ZFAT: variants seen among roughly 807,000 people sequenced by gnomAD.
ZFAT encodes the protein zinc finger and AT-hook domain containing.
In ZFAT, 64 loss-of-function variants were observed where a neutral mutation model predicts 117.7. The ratio of observed to expected loss-of-function variants is 0.54; its 90% CI spans 0.44 to 0.67. The LOEUF (loss-of-function observed/expected upper bound fraction) is 0.67. Among genes scored for constraint, ZFAT ranks in the 30% least tolerant of loss-of-function variants. The pLI is 0.00. For synonymous variants in ZFAT, 679 were observed against 615.0 expected (o/e 1.10, Z -1.54); for missense variants, 1,433 against 1,584.5 (o/e 0.90, Z 1.62).
chr8:134,715,427 C>G (rs1179383509), upstream of ZFAT, among the ~76,000 whole-genome samples: 3 of 152,162 alleles, frequency 2.0e-5, no homozygotes, highest in Non-Finnish European at 4.4e-5. Context: ...TGGCCATAGG[C>G]AGATGGAAAT....
chr8:134,655,948 G>A (rs1173457163), intron 2 of ZFAT, among the ~76,000 whole-genome samples: 1 of 152,144 alleles, frequency 6.6e-6, no homozygotes, highest in Non-Finnish European at 1.5e-5. Context: ...CAGCTGCTCA[G>A]GTGGCTGAGG....
In ZFAT at chr8:134,608,787, C is replaced by G. The variant is rs975500653; in HGVS notation, c.727G>C (p.Gly243Arg). ...TTSADLVPRRGYQEYAIQQTP... is the reference protein window; with the variant it reads ...TTSADLVPRRRYQEYAIQQTP... Reference sequence around the variant, plus strand: ...TGCTGAATGGCGTATTCCTGGTAGCCTCTCCGAGGCACCAGGTCTGCTGAA... The same window carrying G: ...TGCTGAATGGCGTATTCCTGGTAGCGTCTCCGAGGCACCAGGTCTGCTGAA... The change falls in exon 5 of 16, where the codon GGC becomes CGC. Residue 243 changes from glycine to arginine, a missense_variant. Physicochemically the swap from Gly to Arg is moderately radical, Grantham distance 125 (BLOSUM62 -2). This residue lies in a region of ZFAT where 436 missense variants were observed against 482.0 expected (regional missense o/e 0.90). Transcript: ENST00000377838. 1 of 1,610,850 alleles carries G rather than the reference C, an allele frequency of 6.2e-7. No homozygotes were observed. Among genetic ancestry groups the G allele is most frequent in the Non-Finnish European group, 8.5e-7 (1 of 1,178,856 alleles).
chr8:134,633,727 C>G (rs1830035276), intron 3 of ZFAT, among the ~76,000 whole-genome samples: 1 of 152,166 alleles, frequency 6.6e-6, no homozygotes, highest in African/African-American at 2.4e-5. Flanking sequence ...TTAGTTTGCT[C>G]TTCTATAAAA....
chr8:134,759,604 GA>G, the ZFAT span, among the ~76,000 whole-genome samples: 72 of 149,502 alleles, frequency 4.8e-4, no homozygotes, highest in African/African-American at 1.6e-3. Flanking sequence ...ATTCATTTAG[GA>G]AAAAAAAAAT....
the ZFAT span, among the ~76,000 whole-genome samples, chr8:134,754,608 G>A: frequency 5.0e-4 from 76 of 152,328 alleles, no homozygotes; most frequent in Admixed American, 8.5e-4. Context: ...CTTGCCTGCC[G>A]TCAATTTTCT....
chr8:134,753,224 C>T, the ZFAT span, among the ~76,000 whole-genome samples: 78 of 138,748 alleles, frequency 5.6e-4, 2 homozygotes, highest in East Asian at 5.7e-3. Context: ...ACAAAACCAA[C>T]GAACCAACCA....
intron 1 of ZFAT, among the ~76,000 whole-genome samples, chr8:134,687,038 A>T (rs1833356055): frequency 6.6e-6 from 1 of 152,098 alleles, no homozygotes; most frequent in Non-Finnish European, 1.5e-5. Flanking sequence ...CAGACCCACC[A>T]GCACCCACCT....
the ZFAT span, among the ~76,000 whole-genome samples, chr8:134,721,471 G>A: frequency 6.6e-6 from 1 of 152,232 alleles, no homozygotes; most frequent in Non-Finnish European, 1.5e-5. Flanking sequence ...ATGACAGGGA[G>A]TGGAGGCAGC....
chr8:134,785,533 C>A, the ZFAT span: 1 of 149,578 alleles, frequency 6.7e-6, no homozygotes, highest in East Asian at 2.0e-4. Flanking sequence ...CTTTAATCTA[C>A]CAGTTTTTAA....
rs1827347007 is a variant in ZFAT at position 134,600,628 on chromosome 8, G to A, written c.2283C>T (p.Val761=). The A allele has an allele frequency of 1.2e-6, 2 of 1,608,978 alleles. No homozygotes were observed. Among genetic ancestry groups the A allele is most frequent in the Non-Finnish European group, 1.7e-6 (2 of 1,176,274 alleles). The change falls in exon 7 of 16, where the codon GTC becomes GTT. Residue 761 remains valine (V), a synonymous_variant. Coordinates refer to ENST00000377838, the MANE Select transcript of ZFAT (RefSeq NM_020863.4). ...FWYQVHFDMH[V]RTHTREHLYY... is the part of the protein sequence containing the mutation. ...ACAGATGTTCCCGGGTGTGGGTGCG[G>A]ACATGCATATCAAAATGCACTTGGT...
chr8:134,538,346 CA>C (rs2130609374), intron 11 of ZFAT, among the ~76,000 whole-genome samples: 3 of 152,196 alleles, frequency 2.0e-5, no homozygotes, highest in Middle Eastern at 3.4e-3. Flanking sequence ...ACCTGGCAAC[CA>C]GGGGGTGGCG....
chr8:134,706,587 G>A (rs1359640841), intron 1 of ZFAT, among the ~76,000 whole-genome samples: 3 of 152,174 alleles, frequency 2.0e-5, no homozygotes, highest in East Asian at 3.9e-4. Flanking sequence ...AGCTACTCGG[G>A]AGGCTGAGGC....
intron 11 of ZFAT, among the ~76,000 whole-genome samples, chr8:134,550,310 GAAAAA>G (rs10680896): frequency 4.1e-5 from 3 of 72,532 alleles, no homozygotes; most frequent in Non-Finnish European, 5.1e-5. Flanking sequence ...GGTCACAACG[GAAAAA>G]AAAAAAAAAA....
At chr8:134,603,124 A>T (rs1049200774) in intron 5 of ZFAT, among the ~76,000 whole-genome samples, 191 bp from the exon 6 acceptor site, 5 of 152,192 alleles carry the variant, frequency 3.3e-5, no homozygotes, top group African/African-American at 1.2e-4. Context: ...TCAGGAGCTC[A>T]CAGTCTTGGG....
upstream of ZFAT, among the ~76,000 whole-genome samples, chr8:134,713,712 CT>C (rs1258812618): frequency 2.6e-5 from 4 of 152,080 alleles, no homozygotes; most frequent in Non-Finnish European, 5.9e-5. Context: ...AATTTAATGA[CT>C]TTGTTTTTGG....
Position 134,556,016 on chromosome 8 carries a change from G to T in ZFAT, c.2976+9317C>A, listed in dbSNP as rs184726313. 6.3e-3 allele frequency among the ~76,000 whole-genome samples: 772 copies of T among 121,766 alleles called. 8 individuals carry two copies. Among genetic ancestry groups the T allele is most frequent in the African/African-American group, 0.023 (731 of 31,600 alleles). The allele number at this position is 121,766 out of a possible 152,430, so 79.9% of individuals were successfully genotyped here. ...GGCGGGAGGGAGGGAAGGTGGGAGG[G>T]AAGGAGGGAGGGAGAGAAGGAAGGA... is the stretch of plus-strand genomic sequence containing the variant. On this transcript the variant is annotated intron_variant, in intron 11 of 15. Transcript: ENST00000377838.
At chr8:134,504,964 C>T (rs772950221) in intron 15 of ZFAT, among the ~76,000 whole-genome samples, 8 of 152,186 alleles carry the variant, frequency 5.3e-5, no homozygotes, top group Non-Finnish European at 1.5e-5. Flanking sequence ...CCACCCCAGA[C>T]CCAGGTACAC....
intron 1 of ZFAT, among the ~76,000 whole-genome samples, chr8:134,698,508 T>C (rs1022107285): frequency 2.6e-5 from 4 of 152,224 alleles, no homozygotes; most frequent in Non-Finnish European, 4.4e-5. Context: ...TGACCAATAA[T>C]AAAGAATGCC....
intron 15 of ZFAT, among the ~76,000 whole-genome samples, chr8:134,493,684 G>A (rs72735752): frequency 0.17 from 26,387 of 152,282 alleles, 2,425 homozygotes; most frequent in Admixed American, 0.26. Context: ...GTGAGGCACG[G>A]CACTCATGAC....
Sources: allele counts gnomAD v4.1 joint callset (sites outside exome capture counted in the v4.1 genomes callset), GRCh38; gene constraint gnomAD v4.1.1; regional missense constraint gnomAD v4.1.1; transcripts MANE v1.5; gene names NCBI Gene and HGNC (gene_info 2026-07-23, HGNC 2026-07-21).